Variants in FHIT observed in about 807,000 individuals in gnomAD.
The protein encoded by FHIT is fragile histidine triad diadenosine triphosphatase.
A neutral mutation model predicts 17.9 loss-of-function variants in FHIT; 19 were observed. The observed-to-expected ratio is 1.06, with a 90% CI of 0.74 to 1.56. FHIT has a LOEUF of 1.56. Ranked by LOEUF, FHIT falls within the 40% of genes most tolerant of loss-of-function variation. The pLI, the probability that FHIT is intolerant of heterozygous loss-of-function variation, is 0.00. For missense variants in FHIT, 248 were observed against 189.2 expected, an observed-to-expected ratio of 1.31 and a Z score of -1.82; for synonymous variants, 81 against 69.7, an observed-to-expected ratio of 1.16 and a Z score of -0.81.
In FHIT at chr3:60,645,181, T is replaced by C. The variant is rs546850465; in HGVS notation, c.-17-108202A>G. ...GAAGTATATCAAAAACAACCCCACG[T>C]TGGCCCTCTCCTTTGCACAGTCCAG... On this transcript the variant is annotated intron_variant, in intron 4 of 9. Transcript: ENST00000492590. Among the ~76,000 whole-genome samples, 7 of 152,252 alleles carry C rather than the reference T, an allele frequency of 4.6e-5. No individual in the cohort carries two copies. The South Asian group carries it at 8.3e-4, about 18-fold the overall frequency.
chr3:60,344,286 G>A (rs1710667712), intron 5 of FHIT, among the ~76,000 whole-genome samples: 1 of 152,100 alleles, frequency 6.6e-6, no homozygotes, highest in Non-Finnish European at 1.5e-5. Flanking sequence ...GTTTTTGTTT[G>A]ATGACAACTA....
chr3:60,384,708 A>AAC (rs1700938857), intron 5 of FHIT, among the ~76,000 whole-genome samples: 2 of 151,502 alleles, frequency 1.3e-5, no homozygotes, highest in African/African-American at 4.9e-5. Flanking sequence ...CAAAATCTTA[A>AAC]AACAACAACA....
chr3:60,914,415 C>G (rs2107284893), intron 3 of FHIT, among the ~76,000 whole-genome samples: 1 of 151,956 alleles, frequency 6.6e-6, no homozygotes, highest in East Asian at 1.9e-4. Flanking sequence ...AATAACCATC[C>G]TGAGTGTTCA....
rs553785603 is a variant in FHIT at position 60,715,280 on chromosome 3, C to T, written c.-18+106639G>A. 2.2e-3 allele frequency among the ~76,000 whole-genome samples: 339 copies of T among 151,998 alleles called. 1 individual carries two copies. The highest frequency in any genetic ancestry group is 7.8e-3 in the African/African-American group (324 of 41,404). On this transcript the variant is annotated intron_variant, in intron 4 of 9. Coordinates refer to ENST00000492590, the MANE Select transcript of FHIT (RefSeq NM_002012.4). ...CCTTTCTTACACCTTATACAAAAAT[C>T]AATTCAAGATGGATTAAAGACTTAA... is the stretch of plus-strand genomic sequence containing the variant.
chr3:60,885,345 A>G (rs1553759041), intron 3 of FHIT, among the ~76,000 whole-genome samples: 2 of 152,206 alleles, frequency 1.3e-5, no homozygotes, highest in African/African-American at 4.8e-5. Flanking sequence ...CAATAATAAA[A>G]AACATTAAGT....
rs952930097 is a variant in FHIT at position 60,960,806 on chromosome 3, C to T, written c.-111+81241G>A. 2.6e-5 allele frequency among the ~76,000 whole-genome samples: 4 copies of T among 152,302 alleles called. No individual in the cohort carries two copies. In the South Asian group the frequency reaches 8.3e-4, roughly 32 times the overall value. On this transcript the variant is annotated intron_variant, in intron 3 of 9. Transcript: ENST00000492590. ...CATAGTATTCCATGTTGTATATGTG[C>T]CACATTTTCTTAATCCAGTCTATCA...
intron 5 of FHIT, among the ~76,000 whole-genome samples, chr3:60,368,297 C>T (rs1265971331): frequency 6.6e-6 from 1 of 151,070 alleles, no homozygotes; most frequent in Non-Finnish European, 1.5e-5. Flanking sequence ...ATTCCATCAT[C>T]TTATTCACTG....
intron 1 of FHIT, among the ~76,000 whole-genome samples, chr3:61,228,718 A>T (rs1433638206): frequency 3.9e-5 from 6 of 152,200 alleles, no homozygotes; most frequent in Non-Finnish European, 7.3e-5. Context: ...AATATTGGCC[A>T]AACTGGAAAA....
chr3:60,483,747 C>T (rs2107481794), intron 5 of FHIT, among the ~76,000 whole-genome samples: 1 of 152,224 alleles, frequency 6.6e-6, no homozygotes, highest in Non-Finnish European at 1.5e-5. Context: ...AACCTGGAAG[C>T]ATTCTCTTTA....
At chr3:59,922,262 G>T in intron 8 of FHIT, 84 bp downstream of exon 8, 1 of 1,151,596 alleles carries the variant, frequency 8.7e-7, no homozygotes, top group Non-Finnish European at 1.3e-6. Flanking sequence ...ACCATATCTA[G>T]GGTAATACTT....
chr3:60,009,878 C>A (rs551437958), intron 7 of FHIT, among the ~76,000 whole-genome samples: 1 of 152,188 alleles, frequency 6.6e-6, no homozygotes, highest in African/African-American at 2.4e-5. Context: ...ATTTTCTATC[C>A]CGCTTTAGAA....
At chr3:60,936,763 A>G (rs1296883007) in intron 3 of FHIT, among the ~76,000 whole-genome samples, 1 of 152,238 alleles carries the variant, frequency 6.6e-6, no homozygotes, top group Non-Finnish European at 1.5e-5. Context: ...TAAACATTTA[A>G]ACATTGAAAA....
intron 2 of FHIT, among the ~76,000 whole-genome samples, chr3:61,049,114 T>C (rs1312307154): frequency 6.6e-6 from 1 of 151,756 alleles, no homozygotes; most frequent in Non-Finnish European, 1.5e-5. Flanking sequence ...ACCGTAGAAC[T>C]TAAAGCATAA....
chr3:60,052,748 T>C (rs546217417), intron 5 of FHIT, among the ~76,000 whole-genome samples: 7 of 148,508 alleles, frequency 4.7e-5, no homozygotes, highest in African/African-American at 1.5e-4. Context: ...GTCTAAAATA[T>C]ATATACATAG....
intron 3 of FHIT, among the ~76,000 whole-genome samples, chr3:61,029,029 G>T (rs898394482): frequency 3.9e-5 from 6 of 152,126 alleles, no homozygotes; most frequent in African/African-American, 1.2e-4. Flanking sequence ...GGCTCTTCCA[G>T]AATGGTTCAA....
At chr3:60,219,402 CTG>C (rs1703854361) in intron 5 of FHIT, among the ~76,000 whole-genome samples, 2 of 152,066 alleles carry the variant, frequency 1.3e-5, no homozygotes, top group Admixed American at 1.3e-4. Context: ...TCTCCAGTAA[CTG>C]AGAAAATTCT....
intron 8 of FHIT, among the ~76,000 whole-genome samples, chr3:59,899,917 G>A (rs114490055): frequency 0.011 from 1,682 of 152,280 alleles, 40 homozygotes; most frequent in African/African-American, 0.038. Flanking sequence ...GTTGGCAAAC[G>A]TTTTCTATAA....
At chr3:60,527,212 C>T (rs1576815821) in intron 5 of FHIT, among the ~76,000 whole-genome samples, 1 of 152,216 alleles carries the variant, frequency 6.6e-6, no homozygotes, top group African/African-American at 2.4e-5. Context: ...CATTTGGTCC[C>T]TAAACAGAAT....
At chr3:59,890,530 G>A (rs906050386) in intron 8 of FHIT, among the ~76,000 whole-genome samples, 1 of 152,108 alleles carries the variant, frequency 6.6e-6, no homozygotes, top group South Asian at 2.1e-4. Flanking sequence ...AAGTTCATCT[G>A]TTACATTCCC....
Sources: allele counts gnomAD v4.1 joint callset (sites outside exome capture counted in the v4.1 genomes callset), GRCh38; gene constraint gnomAD v4.1.1; transcripts MANE v1.5; gene names NCBI Gene and HGNC (gene_info 2026-07-23, HGNC 2026-07-21).